The following CAPN3 variants were observed in gnomAD, a reference collection of about 807,000 sequenced individuals.
CAPN3 encodes calpain-3.
CAPN3 carries 88 observed loss-of-function variants against 114.0 expected under a neutral mutation model. The observed-to-expected ratio is 0.77, with a 90% CI of 0.65 to 0.92. The LOEUF is 0.92. CAPN3 is among the 40% of genes least tolerant of loss of function. The probability of loss-of-function intolerance (pLI) is 0.00; values close to 1 mark genes in which losing one functional copy is unlikely to be tolerated. For synonymous variants in CAPN3, 386 were observed against 382.9 expected, an observed-to-expected ratio of 1.01 and a Z score of -0.09; for missense variants, 1,028 against 1,069.0, an observed-to-expected ratio of 0.96 and a Z score of 0.53.
intron 19 of CAPN3, 119 bp downstream of exon 19, chr15:42,410,114 AC>A: frequency 1.1e-6 from 1 of 907,528 alleles, no homozygotes; most frequent in East Asian, 2.4e-5. Flanking sequence ...ACTTAAGGAG[AC>A]CCTGATTCAG....
chr15:42,386,184 G>T lies in CAPN3; in HGVS notation c.397G>T (p.Ala133Ser), dbSNP rs946415346. 1.9e-6 allele frequency: 3 copies of T among 1,613,314 alleles called. No individual in the cohort carries two copies. The highest frequency in any genetic ancestry group is 2.7e-5 in the African/African-American group (2 of 74,872). ...QGELGDCWFL[A>S]AIACLTLNQH... is the part of the protein sequence containing the mutation. ...GCCTGCAGGGGACTGCTGGTTTCTCGCAGCCATTGCCTGCCTGACCCTGAA... is the reference window on the plus strand; with the variant it reads ...GCCTGCAGGGGACTGCTGGTTTCTCTCAGCCATTGCCTGCCTGACCCTGAA... The change falls in exon 3 of 24, where the codon GCA becomes TCA. Residue 133 changes from alanine (A) to serine (S), a missense_variant. Coordinates refer to ENST00000397163, the MANE Select transcript of CAPN3 (RefSeq NM_000070.3).
At chr15:42,368,987 TAA>T (rs770583679) in intron 1 of CAPN3, among the ~76,000 whole-genome samples, 16 of 152,140 alleles carry the variant, frequency 1.1e-4, no homozygotes, top group Non-Finnish European at 2.1e-4. Context: ...AATGGCTCAA[TAA>T]AGACAGGTTT....
At position 42,402,955 on chromosome 15, in the gene CAPN3, G is replaced by T. The variant is rs962606008; in HGVS notation, c.1698G>T (p.Glu566Asp). The change falls in exon 13 of 24, where the codon GAG (glutamate) becomes GAT (aspartate). Residue 566 changes from glutamate to aspartate, a missense_variant. Coordinates refer to ENST00000397163, the MANE Select transcript of CAPN3 (RefSeq NM_000070.3). ...IVPSTYEPHQ[E>D]GEFILRVFSE... is the part of the protein sequence containing the mutation. Reference sequence around the variant, plus strand: ...CCTCCACCTACGAGCCCCACCAGGAGGGGGAATTCATCCTCCGGGTCTTCT... The same window carrying T: ...CCTCCACCTACGAGCCCCACCAGGATGGGGAATTCATCCTCCGGGTCTTCT... 5.6e-6 allele frequency: 9 copies of T among 1,614,110 alleles called. No individual in the cohort carries two copies. The highest frequency in any genetic ancestry group is 6.8e-6 in the Non-Finnish European group (8 of 1,180,044).
intron 1 of CAPN3, among the ~76,000 whole-genome samples, chr15:42,365,859 C>T (rs552349538): frequency 1.5e-4 from 23 of 152,350 alleles, no homozygotes; most frequent in African/African-American, 3.6e-4. Flanking sequence ...CCCAGACAGA[C>T]GGCAGCAGCC....
intron 6 of CAPN3, 33 bp from the exon 7 acceptor site, chr15:42,392,606 C>T: frequency 3.2e-6 from 5 of 1,548,544 alleles, no homozygotes; most frequent in Non-Finnish European, 4.5e-6. Context: ...TGTTCCCCCG[C>T]CCCTAATGGG....
At chr15:42,398,697 G>C (rs1374048389) in intron 9 of CAPN3, among the ~76,000 whole-genome samples, 1 of 142,882 alleles carries the variant, frequency 7.0e-6, no homozygotes, top group African/African-American at 2.9e-5. Flanking sequence ...ATATATATGT[G>C]TGTGTGTATA....
intron 1 of CAPN3, among the ~76,000 whole-genome samples, chr15:42,380,583 GTGTA>G (rs1392098957): frequency 6.8e-6 from 1 of 146,908 alleles, no homozygotes; most frequent in Non-Finnish European, 1.5e-5. Flanking sequence ...GTGTGTATGT[GTGTA>G]TGTATATATA....
intron 1 of CAPN3, among the ~76,000 whole-genome samples, chr15:42,375,913 C>T (rs955804566): frequency 1.9e-4 from 29 of 152,182 alleles, no homozygotes; most frequent in African/African-American, 6.8e-4. Flanking sequence ...TTAGTAGTAA[C>T]GTCTCCTTAG....
chr15:42,385,592 C>G (rs1266877145), intron 2 of CAPN3: 1 of 502,940 alleles, frequency 2.0e-6, no homozygotes, highest in Non-Finnish European at 4.0e-6. Context: ...CAACTACATA[C>G]AGTACTCTGT....
intron 23 of CAPN3, 83 bp from the exon 24 acceptor site, chr15:42,411,664 T>A: frequency 6.3e-6 from 4 of 636,580 alleles, no homozygotes; most frequent in Non-Finnish European, 1.1e-5. Flanking sequence ...TTCCCTTTCC[T>A]CTTGCCCCGT....
chr15:42,386,217 C>G lies in CAPN3; in HGVS notation c.430C>G (p.Leu144Val). 6.2e-7 allele frequency: 1 copy of G among 1,614,170 alleles called. No individual in the cohort carries two copies. Among genetic ancestry groups the G allele is most frequent in the Non-Finnish European group, 8.5e-7 (1 of 1,180,016 alleles). ...TGCCTGCCTGACCCTGAACCAGCAC[C>G]TTCTTTTCCGAGTCATACCCCATGA... is the stretch of plus-strand genomic sequence containing the variant. ...AIACLTLNQH[L>V]LFRVIPHDQS... Residue 144 changes from leucine (L) to valine (V), a missense_variant, in exon 3 of 24, where the codon CTT becomes GTT. Coordinates refer to ENST00000397163, the MANE Select transcript of CAPN3 (RefSeq NM_000070.3).
chr15:42,400,135 G>C (rs571730434), intron 10 of CAPN3, among the ~76,000 whole-genome samples: 19 of 152,264 alleles, frequency 1.2e-4, no homozygotes, highest in Admixed American at 3.9e-4. Flanking sequence ...ACGGGTACTC[G>C]AAATCCAGTT....
Position 42,386,100 on chromosome 15 carries a change from G to A in CAPN3, c.380-67G>A. On this transcript the variant is annotated intron_variant, in intron 2 of 23. Transcript: ENST00000397163. ...TCAGGGAAGTGGAGTGGCTGGCTGG[G>A]ATTGGGGCTTTTTCTTCCCAGGAGG... The A allele has an allele frequency of 5.4e-6, 6 of 1,118,868 alleles. No individual in the cohort carries two copies. In the East Asian group the frequency reaches 9.4e-5, roughly 17 times the overall value. The allele number at this position is 1,118,868 out of a possible 1,614,324, so 69.3% of individuals were successfully genotyped here.
chr15:42,370,818 A>G (rs1401342728), intron 1 of CAPN3, among the ~76,000 whole-genome samples: 3 of 152,210 alleles, frequency 2.0e-5, no homozygotes, highest in Non-Finnish European at 4.4e-5. Flanking sequence ...AAGGTAAGGT[A>G]GCAATTACTA....
chr15:42,363,219 T>TCC, intron 1 of CAPN3, among the ~76,000 whole-genome samples: 1 of 152,202 alleles, frequency 6.6e-6, no homozygotes, highest in Non-Finnish European at 1.5e-5. Context: ...TGCATTGAGT[T>TCC]TCCAGGGCAA....
Position 42,412,237 on chromosome 15 carries a change from T to A in CAPN3, c.*464T>A. On this transcript the variant is annotated 3_prime_UTR_variant, in exon 24 of 24. Coordinates refer to ENST00000397163, the MANE Select transcript of CAPN3 (RefSeq NM_000070.3). The stretch of plus-strand genomic sequence containing the variant: ...AACTAACTCAGTGGAATAGGGCTGG[T>A]TACTTTGGGCTGTCCAACTCATAAG... 6.6e-7 allele frequency: 1 copy of A among 1,510,314 alleles called. No homozygotes were observed. Among genetic ancestry groups the A allele is most frequent in the African/African-American group, 1.4e-5 (1 of 72,548 alleles). 93.6% of individuals were successfully genotyped at this position (1,510,314 alleles called of 1,614,324 possible).
Position 42,402,902 on chromosome 15 carries a change from C to T in CAPN3, c.1645C>T (p.Leu549=). Residue 549 remains leucine, a synonymous_variant, in exon 13 of 24, where the codon CTG becomes TTG. Coordinates refer to ENST00000397163, the MANE Select transcript of CAPN3 (RefSeq NM_000070.3). Reference sequence around the variant, plus strand: ...GCGGGAGGTGTCCCAGCGCTTCCGCCTGCCTCCCAGCGAGTACGTCATCGT... The same window carrying T: ...GCGGGAGGTGTCCCAGCGCTTCCGCTTGCCTCCCAGCGAGTACGTCATCGT... ...NMREVSQRFR[L]PPSEYVIVPS... is the part of the protein sequence containing the mutation. 6.2e-7 allele frequency: 1 copy of T among 1,614,178 alleles called. No individual in the cohort carries two copies. Among genetic ancestry groups the T allele is most frequent in the Non-Finnish European group, 8.5e-7 (1 of 1,179,998 alleles).
chr15:42,397,659 AT>A (rs1309663408), intron 9 of CAPN3, among the ~76,000 whole-genome samples: 1 of 151,394 alleles, frequency 6.6e-6, no homozygotes, highest in Non-Finnish European at 1.5e-5. Flanking sequence ...AAAAAAAAAA[AT>A]GTTGTCTTAG....
chr15:42,384,572 C>A lies in CAPN3; in HGVS notation c.379+20C>A. ...AGCTAGGTAGGAAAGTGCCTCAGGT[C>A]AGATCCTGCCAGATGATCAAGGGGT... On this transcript the variant is annotated intron_variant, in intron 2 of 23. Coordinates refer to ENST00000397163, the MANE Select transcript of CAPN3 (RefSeq NM_000070.3). The A allele has an allele frequency of 6.5e-7, 1 of 1,532,196 alleles. No individual in the cohort carries two copies. Among genetic ancestry groups the A allele is most frequent in the Non-Finnish European group, 9.0e-7 (1 of 1,105,260 alleles). 94.9% of individuals were successfully genotyped at this position (1,532,196 alleles called of 1,614,324 possible). A position where few individuals can be genotyped will look rare whatever the true frequency, so the allele number is the denominator to read the frequency against.
Sources: allele counts gnomAD v4.1 joint callset (sites outside exome capture counted in the v4.1 genomes callset), GRCh38; gene constraint gnomAD v4.1.1; transcripts MANE v1.5; gene names NCBI Gene and HGNC (gene_info 2026-07-23, HGNC 2026-07-21).